The following SH3GL2 variants were observed in gnomAD, a reference collection of about 807,000 sequenced individuals.
The protein encoded by SH3GL2 is SH3 domain containing GRB2 like 2, endophilin A1.
In SH3GL2, 24 loss-of-function variants were observed where a neutral mutation model predicts 46.0. That is an observed-to-expected ratio of 0.52 (90% CI 0.38 to 0.73). SH3GL2 has a LOEUF of 0.73. Ranked by LOEUF, SH3GL2 falls within the 30% of genes least tolerant of loss-of-function variation. The probability of loss-of-function intolerance (pLI) is 0.00; values close to 1 mark genes in which losing one functional copy is unlikely to be tolerated. For missense variants in SH3GL2, 413 were observed against 424.2 expected (o/e 0.97, Z 0.23); for synonymous variants, 196 against 147.1 (o/e 1.33, Z -2.40).
chr9:17,688,855 AG>A (rs1448708616), intron 1 of SH3GL2, among the ~76,000 whole-genome samples: 1 of 151,994 alleles, frequency 6.6e-6, no homozygotes, highest in East Asian at 1.9e-4. Context: ...TAAATGGGGG[AG>A]AAGACACATA....
intron 1 of SH3GL2, among the ~76,000 whole-genome samples, chr9:17,740,465 A>AGTATTGTGTTGTATTGTATT (rs1822491921): frequency 6.6e-6 from 1 of 151,172 alleles, no homozygotes; most frequent in Non-Finnish European, 1.5e-5. Flanking sequence ...TATGTCATCA[A>AGTATTGTGTTGTATTGTATT]GTATTGTATT....
At chr9:17,705,822 G>T (rs970880364) in intron 1 of SH3GL2, among the ~76,000 whole-genome samples, 2 of 151,928 alleles carry the variant, frequency 1.3e-5, no homozygotes, top group African/African-American at 2.4e-5. Flanking sequence ...TGGGAGGAGG[G>T]TGAGGGTCGT....
intron 1 of SH3GL2, among the ~76,000 whole-genome samples, chr9:17,743,354 A>T (rs191858693): frequency 1.5e-3 from 225 of 152,286 alleles, no homozygotes; most frequent in Non-Finnish European, 1.2e-3. Flanking sequence ...ATTACGTAAG[A>T]AATTTTTTAT....
At chr9:17,795,231 A>T (rs10963273) in intron 8 of SH3GL2, among the ~76,000 whole-genome samples, 1 of 152,156 alleles carries the variant, frequency 6.6e-6, no homozygotes, top group Non-Finnish European at 1.5e-5. Flanking sequence ...ATTATCACGA[A>T]GGCAAACTAT....
At chr9:17,703,021 G>C (rs1419638217) in intron 1 of SH3GL2, among the ~76,000 whole-genome samples, 2 of 151,948 alleles carry the variant, frequency 1.3e-5, no homozygotes, top group African/African-American at 2.4e-5. Context: ...TTAGGACTGC[G>C]ACAGATGATG....
chr9:17,751,479 CGTGTGTGT>C (rs58212352), intron 2 of SH3GL2, among the ~76,000 whole-genome samples: 40 of 146,428 alleles, frequency 2.7e-4, no homozygotes, highest in African/African-American at 4.1e-4. Flanking sequence ...TTTGTGTGTG[CGTGTGTGT>C]GTGTGTGTGT....
chr9:17,745,724 A>T (rs1036118520), intron 1 of SH3GL2, among the ~76,000 whole-genome samples: 3 of 152,146 alleles, frequency 2.0e-5, no homozygotes, highest in Non-Finnish European at 4.4e-5. Context: ...ATTCCTGGCC[A>T]GGAGATGGAG....
chr9:17,673,709 T>G (rs1820533185), intron 1 of SH3GL2, among the ~76,000 whole-genome samples: 1 of 152,190 alleles, frequency 6.6e-6, no homozygotes, highest in Non-Finnish European at 1.5e-5. Flanking sequence ...GAACTGCTTT[T>G]AGTTCCCTGA....
intron 1 of SH3GL2, among the ~76,000 whole-genome samples, chr9:17,612,155 C>T (rs1241564907): frequency 6.6e-6 from 1 of 152,052 alleles, no homozygotes; most frequent in East Asian, 1.9e-4. Context: ...GGTGGCATTG[C>T]CTGTCTGTCC....
At chr9:17,727,799 A>G (rs768580849) in intron 1 of SH3GL2, among the ~76,000 whole-genome samples, 12 of 152,084 alleles carry the variant, frequency 7.9e-5, no homozygotes, top group Non-Finnish European at 1.6e-4. Flanking sequence ...GCTCCAGAAC[A>G]TGCCCTTTAC....
chr9:17,761,514 G>A lies in SH3GL2; in HGVS notation c.187+5G>A. 1 of 1,536,720 alleles carries A rather than the reference G, an allele frequency of 6.5e-7. No homozygotes were observed. The highest frequency in any genetic ancestry group is 1.1e-5 in the South Asian group (1 of 89,560). ...AATACCTTCAACCCAATCCAGGTAAGGCATCATCTTATATGTTTAAAGGAT... is the reference window on the plus strand; with the variant it reads ...AATACCTTCAACCCAATCCAGGTAAAGCATCATCTTATATGTTTAAAGGAT... On this transcript the variant is annotated splice_donor_5th_base_variant and intron_variant, in intron 3 of 8. Coordinates refer to ENST00000380607, the MANE Select transcript of SH3GL2 (RefSeq NM_003026.5).
chr9:17,741,727 A>C lies in SH3GL2; in HGVS notation c.46-5339A>C, dbSNP rs1460318255. Reference sequence around the variant, plus strand: ...ATTACTGAAGTCTCAGACATTTTCAAATAAAAGAACCTGTGATATATGATC... The same window carrying C: ...ATTACTGAAGTCTCAGACATTTTCACATAAAAGAACCTGTGATATATGATC... On this transcript the variant is annotated intron_variant, in intron 1 of 8. Transcript: ENST00000380607. 2.0e-5 allele frequency among the ~76,000 whole-genome samples: 3 copies of C among 152,366 alleles called. No individual in the cohort carries two copies. In the East Asian group the frequency reaches 5.8e-4, roughly 29 times the overall value.
At chr9:17,730,236 G>T (rs1429718525) in intron 1 of SH3GL2, among the ~76,000 whole-genome samples, 1 of 152,090 alleles carries the variant, frequency 6.6e-6, no homozygotes, top group African/African-American at 2.4e-5. Flanking sequence ...GTGAATGGGA[G>T]TTTACTCATG....
chr9:17,653,231 G>A (rs1046483812), intron 1 of SH3GL2, among the ~76,000 whole-genome samples: 1 of 151,748 alleles, frequency 6.6e-6, no homozygotes, highest in Non-Finnish European at 1.5e-5. Flanking sequence ...TGTCTTGCTC[G>A]CATTGCTGTT....
At chr9:17,595,398 T>C (rs1022682983) in intron 1 of SH3GL2, among the ~76,000 whole-genome samples, 4 of 152,236 alleles carry the variant, frequency 2.6e-5, no homozygotes, top group African/African-American at 7.2e-5. Context: ...ACATTTTTCA[T>C]TGTTTAGATT....
chr9:17,653,734 A>C (rs1220321622), intron 1 of SH3GL2: 1 of 182,862 alleles, frequency 5.5e-6, no homozygotes, highest in East Asian at 1.9e-4. Flanking sequence ...TTTATTGCTC[A>C]GAGGAACTTA....
intron 1 of SH3GL2, among the ~76,000 whole-genome samples, chr9:17,675,094 A>G (rs1275454301): frequency 6.6e-6 from 1 of 152,082 alleles, no homozygotes; most frequent in Non-Finnish European, 1.5e-5. Context: ...CTTTTTGAGC[A>G]TTTTTTGTAC....
Position 17,585,200 on chromosome 9 carries a change from G to A in SH3GL2, c.45+5913G>A, listed in dbSNP as rs1056692102. Among the ~76,000 whole-genome samples the A allele has an allele frequency of 1.5e-4, 23 of 152,118 alleles. 1 individual carries two copies. The highest frequency in any genetic ancestry group is 5.3e-4 in the African/African-American group (22 of 41,436). ...CTTCAGAGGAGTAGCTTGAGGCAGC[G>A]GCGAGAGAAGGGCAGGACACACTGA... On this transcript the variant is annotated intron_variant, in intron 1 of 8. Coordinates refer to ENST00000380607, the MANE Select transcript of SH3GL2 (RefSeq NM_003026.5).
At position 17,756,224 on chromosome 9, in the gene SH3GL2, T is replaced by A. The variant is rs1301266183; in HGVS notation, c.115-5213T>A. The stretch of plus-strand genomic sequence containing the variant: ...GTAAAATAGTAGTCTCATTTCAAAT[T>A]TTTTCAACCATTTAAAGAAGTAGAA... On this transcript the variant is annotated intron_variant, in intron 2 of 8. Coordinates refer to ENST00000380607, the MANE Select transcript of SH3GL2 (RefSeq NM_003026.5). Among the ~76,000 whole-genome samples the A allele has an allele frequency of 2.6e-5, 4 of 152,320 alleles. No individual in the cohort carries two copies. In the East Asian group the frequency reaches 7.7e-4, roughly 29 times the overall value.
Sources: allele counts gnomAD v4.1 joint callset (sites outside exome capture counted in the v4.1 genomes callset), GRCh38; gene constraint gnomAD v4.1.1; transcripts MANE v1.5; gene names NCBI Gene and HGNC (gene_info 2026-07-23, HGNC 2026-07-21).